Variants in DDAH1 observed in about 807,000 individuals in gnomAD.
DDAH1 encodes dimethylarginine dimethylaminohydrolase 1, also known as N(G),N(G)-dimethylarginine dimethylaminohydrolase 1.
DDAH1 carries 19 observed loss-of-function variants against 28.8 expected under a neutral mutation model. That is an observed-to-expected ratio of 0.66 (90% CI 0.46 to 0.97). The LOEUF (loss-of-function observed/expected upper bound fraction) is 0.97, where lower values mean the gene tolerates loss of function less well. DDAH1 is among the 50% of genes least tolerant of loss of function. The pLI, the probability that DDAH1 is intolerant of heterozygous loss-of-function variation, is 0.00. For missense variants in DDAH1, 326 were observed against 375.9 expected (o/e 0.87, Z 1.10); for synonymous variants, 153 against 154.4 (o/e 0.99, Z 0.07).
Position 85,318,500 on chromosome 1 carries a change from A to G in DDAH1, c.*2952T>C, listed in dbSNP as rs571275690. ...ACACTGTTGATCACAGTACAACTCA[A>G]CACTTTATTCCATTGTGATTGGTAT... On this transcript the variant is annotated 3_prime_UTR_variant, in exon 6 of 6. Transcript: ENST00000284031. The G allele has an allele frequency of 2.0e-5, 3 of 152,654 alleles. No homozygotes were observed. Among genetic ancestry groups the G allele is most frequent in the Non-Finnish European group, 4.4e-5 (3 of 68,038 alleles). 9.5% of individuals were successfully genotyped at this position (152,654 alleles called of 1,614,324 possible). A position where few individuals can be genotyped will look rare whatever the true frequency, so the allele number is the denominator to read the frequency against.
intron 4 of DDAH1, among the ~76,000 whole-genome samples, chr1:85,345,456 C>G (rs1648787172): frequency 6.6e-6 from 1 of 152,046 alleles, no homozygotes; most frequent in Admixed American, 6.6e-5. Context: ...TTTCTAGGAT[C>G]AGACTTGCTG....
In DDAH1 at chr1:85,506,148, G is replaced by C. The variant is rs1419629782; in HGVS notation, c.-122-9867C>G. On this transcript the variant is annotated intron_variant, in intron 1 of 6. Coordinates refer to the DDAH1 transcript ENST00000426972. ...AAATGAATGGCTGAGGTGCACTAAA[G>C]AGAGAGCCCCTCAGTCTGCCCGGGC... 2.0e-5 allele frequency among the ~76,000 whole-genome samples: 3 copies of C among 152,222 alleles called. No homozygotes were observed. In the East Asian group the frequency reaches 5.8e-4, roughly 29 times the overall value.
chr1:85,553,315 G>A (rs141007085), intron 1 of DDAH1, among the ~76,000 whole-genome samples: 246 of 152,310 alleles, frequency 1.6e-3, no homozygotes, highest in African/African-American at 4.7e-3. Context: ...TAAGTTTGGG[G>A]GTAGTTTATT....
chr1:85,438,775 A>G (rs999843833), intron 1 of DDAH1, among the ~76,000 whole-genome samples: 2 of 152,240 alleles, frequency 1.3e-5, no homozygotes, highest in African/African-American at 4.8e-5. Flanking sequence ...AGGAAGATCT[A>G]TTTTTAAAGG....
chr1:85,518,604 C>G (rs1657555308), intron 1 of DDAH1, among the ~76,000 whole-genome samples: 1 of 152,160 alleles, frequency 6.6e-6, no homozygotes, highest in South Asian at 2.1e-4. Flanking sequence ...TCACATCTCT[C>G]CCTAACCCAG....
chr1:85,348,845 C>T (rs953177353), intron 4 of DDAH1, among the ~76,000 whole-genome samples: 6 of 152,158 alleles, frequency 3.9e-5, no homozygotes, highest in Non-Finnish European at 5.9e-5. Context: ...AGGTAGGGAC[C>T]AAATGATTTG....
At chr1:85,333,245 T>C (rs1283699289) in intron 4 of DDAH1, among the ~76,000 whole-genome samples, 1 of 152,120 alleles carries the variant, frequency 6.6e-6, no homozygotes, top group Non-Finnish European at 1.5e-5. Context: ...AGAAATCCTA[T>C]GGAGACTGCA....
At chr1:85,466,854 T>TTTTTTTTTTG (rs1655403735), upstream of DDAH1, among the ~76,000 whole-genome samples, 1 of 128,676 alleles carries the variant, frequency 7.8e-6, no homozygotes, top group South Asian at 2.9e-4. Context: ...TTTTTTTTTT[T>TTTTTTTTTTG]GAGATGGAGT....
Position 85,546,174 on chromosome 1 carries a change from G to A in DDAH1, c.-123+31810C>T, listed in dbSNP as rs1368150930. 3.4e-4 allele frequency among the ~76,000 whole-genome samples: 51 copies of A among 151,306 alleles called. 2 individuals are homozygous for A. The highest frequency in any genetic ancestry group is 3.4e-3 in the Admixed American group (51 of 15,198). ...CGTTGGAAACTTAATTGCCATTGCA[G>A]AAGTATTAAGAAGTGGGACCTTTAA... is the stretch of plus-strand genomic sequence containing the variant. On this transcript the variant is annotated intron_variant, in intron 1 of 6. Transcript: ENST00000426972.
Position 85,520,445 on chromosome 1 carries a change from G to T in DDAH1, c.-122-24164C>A, listed in dbSNP as rs544834582. On this transcript the variant is annotated intron_variant, in intron 1 of 6. Coordinates refer to the DDAH1 transcript ENST00000426972. ...TACTACTTGTCCATTGGTTAAGGTT[G>T]TCATCTATTGAACAGTTGCACTAGG... Among the ~76,000 whole-genome samples, 489 of 152,302 alleles carry T rather than the reference G, an allele frequency of 3.2e-3. 1 individual carries two copies. Among genetic ancestry groups the T allele is most frequent in the Non-Finnish European group, 4.5e-3 (306 of 68,010 alleles).
chr1:85,527,007 C>A (rs575583581), intron 1 of DDAH1, among the ~76,000 whole-genome samples: 2 of 152,254 alleles, frequency 1.3e-5, no homozygotes, highest in East Asian at 3.9e-4. Context: ...ACTTCTATTT[C>A]TTGAATTCAT....
At chr1:85,323,950 C>G (rs1221878030) in intron 5 of DDAH1, among the ~76,000 whole-genome samples, 1 of 131,184 alleles carries the variant, frequency 7.6e-6, no homozygotes. Flanking sequence ...GACTTGGCAA[C>G]AGAGCAAGAT....
chr1:85,553,357 G>A (rs1658854790), intron 1 of DDAH1, among the ~76,000 whole-genome samples: 1 of 152,236 alleles, frequency 6.6e-6, no homozygotes, highest in African/African-American at 2.4e-5. Context: ...AAGCCAGAGA[G>A]TGAATTTTTT....
At chr1:85,481,092 T>G (rs1655993814) in intron 2 of DDAH1, among the ~76,000 whole-genome samples, 1 of 88,190 alleles carries the variant, frequency 1.1e-5, no homozygotes, top group Admixed American at 1.3e-4. Flanking sequence ...TTTCTTTGGG[T>G]TTTTTGTTTT....
chr1:85,577,839 T>C, intron 1 of DDAH1: 1 of 336,328 alleles, frequency 3.0e-6, no homozygotes. Context: ...AGAAGACAAG[T>C]AGCCCCTTCT....
intron 2 of DDAH1, among the ~76,000 whole-genome samples, chr1:85,480,745 AAAAT>A (rs1280633158): frequency 6.6e-6 from 1 of 152,096 alleles, no homozygotes; most frequent in African/African-American, 2.4e-5. Context: ...CTCTGTCTCA[AAAAT>A]AAATAAATAA....
At chr1:85,326,314 G>A (rs1354569538) in intron 4 of DDAH1, among the ~76,000 whole-genome samples, 1 of 152,188 alleles carries the variant, frequency 6.6e-6, no homozygotes, top group Non-Finnish European at 1.5e-5. Context: ...CAGATGAACA[G>A]GTCACAGACC....
chr1:85,372,914 T>C (rs1320742100), intron 1 of DDAH1, among the ~76,000 whole-genome samples: 1 of 152,132 alleles, frequency 6.6e-6, no homozygotes, highest in East Asian at 1.9e-4. Flanking sequence ...AGAACAGGAA[T>C]GTGCGTGTTA....
At chr1:85,515,707 G>A (rs1212339210) in intron 1 of DDAH1, among the ~76,000 whole-genome samples, 1 of 152,000 alleles carries the variant, frequency 6.6e-6, no homozygotes, top group Non-Finnish European at 1.5e-5. Context: ...TGACTTCTTA[G>A]GGTGTAGAAA....
Sources: allele counts gnomAD v4.1 joint callset (sites outside exome capture counted in the v4.1 genomes callset), GRCh38; gene constraint gnomAD v4.1.1; transcripts MANE v1.5; gene names NCBI Gene and HGNC (gene_info 2026-07-23, HGNC 2026-07-21).